Variants in APAF1 observed in about 807,000 individuals in gnomAD.
APAF1 encodes apoptotic protease-activating factor 1.
In APAF1, 91 loss-of-function variants were observed where a neutral mutation model predicts 152.4. The observed-to-expected ratio is 0.60, with a 90% confidence interval of 0.50 to 0.71. The LOEUF (loss-of-function observed/expected upper bound fraction) is 0.71. Ranked by LOEUF, APAF1 falls within the 30% of genes least tolerant of loss-of-function variation. The pLI is 0.00. For synonymous variants in APAF1, 484 were observed against 494.1 expected, an observed-to-expected ratio of 0.98 and a Z score of 0.27; for missense variants, 1,283 against 1,472.0, an observed-to-expected ratio of 0.87 and a Z score of 2.10.
At chr12:98,675,617 T>C (rs1337899639) in intron 12 of APAF1, among the ~76,000 whole-genome samples, 3 of 152,240 alleles carry the variant, frequency 2.0e-5, no homozygotes, top group African/African-American at 7.2e-5. Flanking sequence ...GCATTTACAT[T>C]GTACTAGGTA....
At chr12:98,730,328 G>A (rs1312738290) in intron 26 of APAF1, among the ~76,000 whole-genome samples, 1 of 152,156 alleles carries the variant, frequency 6.6e-6, no homozygotes, top group Non-Finnish European at 1.5e-5. Context: ...GTTGGAAGCT[G>A]GGGAGTCTTC....
chr12:98,665,164 G>T (rs1254901221), intron 7 of APAF1, among the ~76,000 whole-genome samples: 1 of 150,448 alleles, frequency 6.6e-6, no homozygotes. Context: ...TAAGTAGCCG[G>T]CACTATAGGC....
Position 98,719,895 on chromosome 12 carries a change from T to TA in APAF1, c.3085-3293dup, listed in dbSNP as rs1263157286. 7.2e-5 allele frequency among the ~76,000 whole-genome samples: 11 copies of TA among 152,308 alleles called. No individual in the cohort carries two copies. The East Asian group carries it at 1.9e-3, about 27-fold the overall frequency. ...TGGTGGCAATATTTAATTGTATTGT[T>TA]AAAAACCCTTTTGGGAAAAAGATCT... On this transcript the variant is annotated intron_variant, in intron 22 of 26. Transcript: ENST00000551964.
At chr12:98,704,217 C>T (rs1442431393) in intron 18 of APAF1, among the ~76,000 whole-genome samples, 1 of 152,138 alleles carries the variant, frequency 6.6e-6, no homozygotes, top group African/African-American at 2.4e-5. Flanking sequence ...CTCCCCCAGC[C>T]TTGGCCTCCC....
chr12:98,664,310 C>T (rs934328834), intron 7 of APAF1, among the ~76,000 whole-genome samples: 15 of 152,174 alleles, frequency 9.9e-5, no homozygotes, highest in South Asian at 4.1e-4. Flanking sequence ...AGCCACCACA[C>T]GTGGCCAGTT....
chr12:98,665,722 C>T lies in APAF1; in HGVS notation c.1125C>T (p.Leu375=), dbSNP rs1384535441. The change falls in exon 8 of 27, where the codon CTC becomes CTT. Residue 375 remains leucine, a synonymous_variant. Coordinates refer to ENST00000551964, the MANE Select transcript of APAF1 (RefSeq NM_181861.2). Reference sequence around the variant, plus strand: ...CCATGTCTATAAGTGTTGAAATGCTCAGAGAAGACATCAAAGATTATTACA... The same window carrying T: ...CCATGTCTATAAGTGTTGAAATGCTTAGAGAAGACATCAAAGATTATTACA... ...DEAMSISVEM[L]REDIKDYYTD... is the part of the protein sequence containing the mutation. 7 of 1,614,022 alleles carry T rather than the reference C, an allele frequency of 4.3e-6. No individual in the cohort carries two copies. Among genetic ancestry groups the T allele is most frequent in the Middle Eastern group, 1.6e-4 (1 of 6,062 alleles).
At chr12:98,716,945 A>G (rs2097735422) in intron 22 of APAF1, among the ~76,000 whole-genome samples, 2 of 151,802 alleles carry the variant, frequency 1.3e-5, no homozygotes, top group African/African-American at 4.8e-5. Context: ...GGCTCACTGT[A>G]ACCTCTGCCT....
At chr12:98,688,188 A>C (rs2097700023) in intron 16 of APAF1, among the ~76,000 whole-genome samples, 1 of 152,156 alleles carries the variant, frequency 6.6e-6, no homozygotes, top group South Asian at 2.1e-4. Context: ...TTCTTCCTCA[A>C]ATCCCCACCT....
intron 24 of APAF1, among the ~76,000 whole-genome samples, chr12:98,724,842 T>C (rs2097748126): frequency 3.9e-5 from 6 of 152,194 alleles, no homozygotes; most frequent in Admixed American, 3.9e-4. Context: ...TTGGTAGTTT[T>C]CAGTATGTGG....
chr12:98,651,029 A>T (rs1406895392), intron 4 of APAF1, among the ~76,000 whole-genome samples: 1 of 152,248 alleles, frequency 6.6e-6, no homozygotes, highest in Non-Finnish European at 1.5e-5. Flanking sequence ...GGAATTAAAT[A>T]TTCAGGAGTC....
At chr12:98,648,524 T>C in intron 2 of APAF1, 27 bp downstream of exon 2, 1 of 1,610,492 alleles carries the variant, frequency 6.2e-7, no homozygotes, top group Non-Finnish European at 8.5e-7. Context: ...CAGTCCACAC[T>C]TCCTTAAAAA....
Position 98,677,371 on chromosome 12 carries a change from AG to A in APAF1, c.1794-53del. On this transcript the variant is annotated intron_variant, in intron 12 of 26. Coordinates refer to ENST00000551964, the MANE Select transcript of APAF1 (RefSeq NM_181861.2). ...GTTTATTTTAGTACTGAAAGAAAATAGTTACTTTTACTCTCATTTATTTAAT... is the reference window on the plus strand; with the variant it reads ...GTTTATTTTAGTACTGAAAGAAAATATTACTTTTACTCTCATTTATTTAAT... 7 of 1,572,688 alleles carry A rather than the reference AG, an allele frequency of 4.5e-6. No individual in the cohort carries two copies. In the South Asian group the frequency reaches 6.7e-5, roughly 15 times the overall value.
intron 22 of APAF1, among the ~76,000 whole-genome samples, chr12:98,718,534 CT>C (rs924681642): frequency 9.2e-5 from 14 of 151,942 alleles, no homozygotes; most frequent in Admixed American, 7.2e-4. Context: ...GCCCGGCCTT[CT>C]TTTTTATGTA....
At chr12:98,706,151 T>C (rs891341552) in intron 18 of APAF1, among the ~76,000 whole-genome samples, 1 of 152,214 alleles carries the variant, frequency 6.6e-6, no homozygotes, top group Non-Finnish European at 1.5e-5. Flanking sequence ...ACACTTTGCT[T>C]TTTTTCTGTT....
chr12:98,698,855 C>T (rs1260690439), intron 16 of APAF1, among the ~76,000 whole-genome samples: 1 of 152,182 alleles, frequency 6.6e-6, no homozygotes, highest in African/African-American at 2.4e-5. Context: ...TATTTTGTAT[C>T]TCATTCCTCA....
chr12:98,665,515 G>A, intron 7 of APAF1, 38 bp from the exon 8 acceptor site: 1 of 1,341,504 alleles, frequency 7.5e-7, no homozygotes, highest in Non-Finnish European at 1.1e-6. Flanking sequence ...GACAAAATAG[G>A]ATGGTATTAG....
At chr12:98,679,144 A>G (rs1593057202) in intron 13 of APAF1, among the ~76,000 whole-genome samples, 1 of 152,158 alleles carries the variant, frequency 6.6e-6, no homozygotes, top group East Asian at 1.9e-4. Context: ...ACCAGTTGGC[A>G]TGTACTTCCT....
rs748311911 is a variant in APAF1, at chr12:98,725,442, C to A, written c.3358C>A (p.Leu1120Ile). The A allele has an allele frequency of 6.2e-7, 1 of 1,614,142 alleles. No homozygotes were observed. Among genetic ancestry groups the A allele is most frequent in the Admixed American group, 1.7e-5 (1 of 60,016 alleles). Residue 1120 changes from leucine to isoleucine, a missense_variant, in exon 25 of 27, where the codon CTT (leucine) becomes ATT (isoleucine). Transcript: ENST00000551964. ...KIWSFDLLLP[L>I]HELRGHNGCV... ...CTGGAGTTTTGATCTCCTTTTGCCA[C>A]TTCATGAATTGAGGGGCCACAACGG... is the stretch of plus-strand genomic sequence containing the variant.
chr12:98,718,021 AG>A (rs1438337759), intron 22 of APAF1, among the ~76,000 whole-genome samples: 3 of 152,282 alleles, frequency 2.0e-5, no homozygotes, highest in Admixed American at 2.0e-4. Context: ...GGAAGATAAC[AG>A]GAAGTATTAA....
Sources: allele counts gnomAD v4.1 joint callset (sites outside exome capture counted in the v4.1 genomes callset), GRCh38; gene constraint gnomAD v4.1.1; transcripts MANE v1.5; gene names NCBI Gene and HGNC (gene_info 2026-07-23, HGNC 2026-07-21).